The following UNC5D variants were observed in gnomAD, a reference collection of about 807,000 sequenced individuals.
UNC5D encodes unc-5 netrin receptor D, also known as netrin receptor UNC5D.
Under a neutral mutation model 105.4 loss-of-function variants are expected in UNC5D, and 39 were observed. That is an observed-to-expected ratio of 0.37 (90% CI 0.29 to 0.48). The LOEUF is 0.48. Ranked by LOEUF, UNC5D falls within the 20% of genes least tolerant of loss-of-function variation. UNC5D has a pLI of 0.98. For synonymous variants in UNC5D, 452 were observed against 450.4 expected, an observed-to-expected ratio of 1.00 and a Z score of -0.04; for missense variants, 991 against 1,202.4, an observed-to-expected ratio of 0.82 and a Z score of 2.60.
intron 1 of UNC5D, among the ~76,000 whole-genome samples, chr8:35,483,417 C>T (rs978236293): frequency 1.3e-5 from 2 of 152,112 alleles, no homozygotes; most frequent in African/African-American, 4.8e-5. Context: ...CAGTCACCAG[C>T]AGGAGGTGTG....
chr8:35,710,420 GA>G (rs1827866485), intron 8 of UNC5D, among the ~76,000 whole-genome samples: 1 of 152,176 alleles, frequency 6.6e-6, no homozygotes, highest in Admixed American at 6.5e-5. Context: ...ACTGGAGGGA[GA>G]ATCAGGAGTT....
At chr8:35,606,982 T>G (rs1278228666) in intron 4 of UNC5D, among the ~76,000 whole-genome samples, 2 of 152,138 alleles carry the variant, frequency 1.3e-5, no homozygotes, top group Admixed American at 6.5e-5. Context: ...GGTGAATGCT[T>G]GGAAGCAGCT....
chr8:35,625,332 A>G (rs548594198), intron 4 of UNC5D, among the ~76,000 whole-genome samples: 1 of 152,208 alleles, frequency 6.6e-6, no homozygotes, highest in Non-Finnish European at 1.5e-5. Context: ...GTTCTGGTGG[A>G]TATCTACATA....
intron 14 of UNC5D, 136 bp downstream of exon 14, chr8:35,759,605 T>G (rs1299837391): frequency 9.6e-7 from 1 of 1,043,138 alleles, no homozygotes. Flanking sequence ...CACAGAAATG[T>G]AACAGTTTGG....
intron 12 of UNC5D, 125 bp downstream of exon 12, chr8:35,748,820 T>C (rs531303606): frequency 2.3e-5 from 25 of 1,072,058 alleles, no homozygotes; most frequent in Admixed American, 5.5e-5. Context: ...GTGGCAAGTG[T>C]TTTATAATAT....
At chr8:35,630,237 TC>T (rs1821953303) in intron 4 of UNC5D, among the ~76,000 whole-genome samples, 1 of 152,238 alleles carries the variant, frequency 6.6e-6, no homozygotes, top group Admixed American at 6.5e-5. Flanking sequence ...AGGTTATATT[TC>T]AGCAACTTGG....
intron 1 of UNC5D, among the ~76,000 whole-genome samples, chr8:35,318,462 A>T (rs139803010): frequency 3.9e-5 from 6 of 152,098 alleles, no homozygotes; most frequent in Non-Finnish European, 8.8e-5. Flanking sequence ...AGCAGGCCTC[A>T]CTTTTTACTA....
chr8:35,475,372 A>C (rs1194424216), intron 1 of UNC5D, among the ~76,000 whole-genome samples: 1 of 152,216 alleles, frequency 6.6e-6, no homozygotes, highest in Non-Finnish European at 1.5e-5. Context: ...ACCTAAAAAC[A>C]GCCACCACGG....
chr8:35,298,257 C>T (rs1275327556), intron 1 of UNC5D, among the ~76,000 whole-genome samples: 2 of 152,176 alleles, frequency 1.3e-5, no homozygotes, highest in Admixed American at 1.3e-4. Context: ...GTCAACTTTT[C>T]CTCCTCAATT....
At chr8:35,360,081 CAAA>C (rs1801778123) in intron 1 of UNC5D, among the ~76,000 whole-genome samples, 1 of 152,034 alleles carries the variant, frequency 6.6e-6, no homozygotes, top group Non-Finnish European at 1.5e-5. Flanking sequence ...TTTGCAAACT[CAAA>C]TAATAATGCA....
At chr8:35,639,700 A>G (rs1340336042) in intron 4 of UNC5D, among the ~76,000 whole-genome samples, 1 of 152,106 alleles carries the variant, frequency 6.6e-6, no homozygotes, top group Admixed American at 6.6e-5. Flanking sequence ...GCAGTGGGAG[A>G]AAAGAACTAC....
chr8:35,411,000 A>C (rs1026438838), intron 1 of UNC5D, among the ~76,000 whole-genome samples: 3 of 152,050 alleles, frequency 2.0e-5, no homozygotes, highest in African/African-American at 7.2e-5. Flanking sequence ...CCCTGTAGGA[A>C]GAAGCTCTCA....
At chr8:35,379,071 G>T (rs1302606755) in intron 1 of UNC5D, among the ~76,000 whole-genome samples, 1 of 152,320 alleles carries the variant, frequency 6.6e-6, no homozygotes, top group African/African-American at 2.4e-5. Context: ...GAGAAGAATA[G>T]ATAATTCTTT....
chr8:35,410,019 C>T (rs1805061195), intron 1 of UNC5D, among the ~76,000 whole-genome samples: 1 of 116,108 alleles, frequency 8.6e-6, no homozygotes, highest in Non-Finnish European at 1.8e-5. Flanking sequence ...GCATGGCCTC[C>T]TCAAAATTGG....
At chr8:35,367,299 T>C (rs1035158504) in intron 1 of UNC5D, among the ~76,000 whole-genome samples, 1 of 152,206 alleles carries the variant, frequency 6.6e-6, no homozygotes, top group Non-Finnish European at 1.5e-5. Context: ...CCTTTTCCCA[T>C]GCTTTCATGC....
intron 1 of UNC5D, among the ~76,000 whole-genome samples, chr8:35,260,460 T>A (rs1804407100): frequency 6.6e-6 from 1 of 152,164 alleles, no homozygotes; most frequent in South Asian, 2.1e-4. Context: ...GGGTTTTATT[T>A]ATGCTTATTA....
chr8:35,236,832 G>A (rs990903808), intron 1 of UNC5D, among the ~76,000 whole-genome samples: 1 of 152,102 alleles, frequency 6.6e-6, no homozygotes, highest in Non-Finnish European at 1.5e-5. Context: ...TTGCCTTCCC[G>A]CCCTTCTTTC....
In UNC5D at chr8:35,633,419, C is replaced by G. The variant is rs559100583; in HGVS notation, c.570+37762C>G. On this transcript the variant is annotated intron_variant, in intron 4 of 16. Coordinates refer to ENST00000404895, the MANE Select transcript of UNC5D (RefSeq NM_080872.4). ...TCTAATATTGAGCAATTTCTTTTAG[C>G]CTCTTTTTTTATGTGAGATTTTTTT... 3.3e-5 allele frequency among the ~76,000 whole-genome samples: 5 copies of G among 152,058 alleles called. No homozygotes were observed. The South Asian group carries it at 1.0e-3, about 32-fold the overall frequency.
At chr8:35,308,754 A>C (rs574055583) in intron 1 of UNC5D, among the ~76,000 whole-genome samples, 89 of 152,306 alleles carry the variant, frequency 5.8e-4, no homozygotes, top group African/African-American at 2.1e-3. Context: ...AAGAAAACTG[A>C]GACTTTAAGC....
Sources: allele counts gnomAD v4.1 joint callset (sites outside exome capture counted in the v4.1 genomes callset), GRCh38; gene constraint gnomAD v4.1.1; transcripts MANE v1.5; gene names NCBI Gene and HGNC (gene_info 2026-07-23, HGNC 2026-07-21).